EPS15L1: variants seen among roughly 807,000 people sequenced by gnomAD.
EPS15L1 encodes the protein epidermal growth factor receptor pathway substrate 15 like 1.
Under a neutral mutation model 117.1 loss-of-function variants are expected in EPS15L1, and 43 were observed. That is an observed-to-expected ratio of 0.37 (90% CI 0.29 to 0.47). The LOEUF is 0.47. Ranked by LOEUF, EPS15L1 falls within the 20% of genes least tolerant of loss-of-function variation. The probability of loss-of-function intolerance (pLI) is 0.99; values close to 1 mark genes in which losing one functional copy is unlikely to be tolerated. For synonymous variants in EPS15L1, 459 were observed against 470.5 expected (o/e 0.98, Z 0.32); for missense variants, 981 against 1,164.0 (o/e 0.84, Z 2.29).
chr19:16,361,185 T>C (rs927611150), intron 23 of EPS15L1, among the ~76,000 whole-genome samples: 2 of 152,166 alleles, frequency 1.3e-5, no homozygotes, highest in Non-Finnish European at 2.9e-5. Flanking sequence ...TCTTTTTGTT[T>C]TGGCTTTCAG....
chr19:16,436,991 G>A lies in EPS15L1; in HGVS notation c.318C>T (p.Thr106=). 1 of 1,613,946 alleles carries A rather than the reference G, an allele frequency of 6.2e-7. No homozygotes were observed. The highest frequency in any genetic ancestry group is 8.5e-7 in the Non-Finnish European group (1 of 1,179,860). ...LSMPPPKFHD[T]SSPLMVTPPS... ...GCGGTGTGACCATCAGAGGGCTGCT[G>A]GTGTCGTGCTGAGAAGAGAGAGAAA... The change falls in exon 6 of 24, where the codon ACC becomes ACT. Residue 106 remains threonine, a synonymous_variant. Coordinates refer to ENST00000455140, the MANE Select transcript of EPS15L1 (RefSeq NM_001258374.3).
intron 13 of EPS15L1, chr19:16,412,657 ACTT>A (rs1321453556): frequency 1.9e-4 from 29 of 148,830 alleles, no homozygotes; most frequent in South Asian, 1.0e-3. Context: ...ATTTTTAAAA[ACTT>A]CTTCTTCTCC....
At chr19:16,407,468 G>A (rs1433540321) in intron 13 of EPS15L1, among the ~76,000 whole-genome samples, 2 of 152,122 alleles carry the variant, frequency 1.3e-5, no homozygotes, top group Non-Finnish European at 2.9e-5. Context: ...ACCACGCCCA[G>A]TTGCGTGATT....
intron 19 of EPS15L1, among the ~76,000 whole-genome samples, chr19:16,386,929 A>C (rs778222025): frequency 1.3e-4 from 20 of 152,256 alleles, no homozygotes; most frequent in Non-Finnish European, 2.2e-4. Context: ...CAGTCTCTAC[A>C]CAGAACGCTC....
At chr19:16,443,197 C>T (rs2093049400) in intron 1 of EPS15L1, among the ~76,000 whole-genome samples, 1 of 152,164 alleles carries the variant, frequency 6.6e-6, no homozygotes, top group African/African-American at 2.4e-5. Flanking sequence ...GATGTGTAAA[C>T]AGCTAAAGAG....
At chr19:16,379,346 A>G (rs930963430) in intron 21 of EPS15L1, among the ~76,000 whole-genome samples, 2 of 152,126 alleles carry the variant, frequency 1.3e-5, no homozygotes, top group Non-Finnish European at 2.9e-5. Flanking sequence ...TTCCTCCAAG[A>G]GCATAGAAGA....
chr19:16,356,019 G>A (rs1169830745), intron 23 of EPS15L1, among the ~76,000 whole-genome samples, 168 bp from the exon 24 acceptor site: 1 of 152,390 alleles, frequency 6.6e-6, no homozygotes, highest in African/African-American at 2.4e-5. Context: ...GGGCGTGCGA[G>A]CCTGTCTCAG....
At chr19:16,425,596 C>G (rs990721982) in intron 8 of EPS15L1, among the ~76,000 whole-genome samples, 1 of 152,192 alleles carries the variant, frequency 6.6e-6, no homozygotes, top group African/African-American at 2.4e-5. Context: ...GGGAGGCCAC[C>G]AGCTCCAGGG....
chr19:16,458,462 G>A (rs1256433864), intron 1 of EPS15L1, among the ~76,000 whole-genome samples: 2 of 115,518 alleles, frequency 1.7e-5, no homozygotes, highest in Admixed American at 1.0e-4. Context: ...CCCCCACCCC[G>A]CTTGCCCCAT....
intron 22 of EPS15L1, among the ~76,000 whole-genome samples, chr19:16,374,062 T>A (rs1354194511): frequency 6.6e-6 from 1 of 152,244 alleles, no homozygotes; most frequent in Non-Finnish European, 1.5e-5. Flanking sequence ...TTTTAGAGAA[T>A]GTTCTGAAGC....
chr19:16,441,229 G>A (rs2093028373), intron 3 of EPS15L1: 2 of 361,620 alleles, frequency 5.5e-6, no homozygotes, highest in African/African-American at 4.2e-5. Context: ...CCAGCACTTT[G>A]GGAGGCCAAG....
chr19:16,418,038 G>A lies in EPS15L1; in HGVS notation c.1017C>T (p.Phe339=), dbSNP rs2092776674. ...SKDQFALAMY[F]IQQKVSKGID... ...TGCCTTTACTGACCTTCTGCTGAAT[G>A]AAATACATAGCTAACGCGAATTGGT... The change falls in exon 11 of 24, where the codon TTC becomes TTT. Residue 339 remains phenylalanine (F), a synonymous_variant. Transcript: ENST00000455140. 1 of 1,614,102 alleles carries A rather than the reference G, an allele frequency of 6.2e-7. No homozygotes were observed. The highest frequency in any genetic ancestry group is 8.5e-7 in the Non-Finnish European group (1 of 1,180,042).
intron 13 of EPS15L1, among the ~76,000 whole-genome samples, chr19:16,409,737 A>G (rs1170272316): frequency 6.6e-6 from 1 of 152,108 alleles, no homozygotes; most frequent in Non-Finnish European, 1.5e-5. Context: ...CAGGAGTTTG[A>G]GACCAGCCTG....
At chr19:16,466,232 C>T (rs957306322) in intron 1 of EPS15L1, among the ~76,000 whole-genome samples, 3 of 152,058 alleles carry the variant, frequency 2.0e-5, no homozygotes, top group Non-Finnish European at 4.4e-5. Flanking sequence ...CAGTGATCTG[C>T]CCTTCCTGGC....
intron 8 of EPS15L1, 43 bp from the exon 9 acceptor site, chr19:16,425,359 G>A: frequency 7.1e-7 from 1 of 1,405,114 alleles, no homozygotes; most frequent in Non-Finnish European, 9.9e-7. Context: ...GCAAGGCTGG[G>A]GCCGGGACCA....
intron 4 of EPS15L1, among the ~76,000 whole-genome samples, chr19:16,440,412 A>C (rs946183318): frequency 2.0e-5 from 3 of 152,036 alleles, no homozygotes; most frequent in Non-Finnish European, 4.4e-5. Context: ...CAGCCTGGGC[A>C]ACAGAGTGAG....
At chr19:16,402,892 A>G (rs189240075) in intron 15 of EPS15L1, among the ~76,000 whole-genome samples, 2,563 of 152,268 alleles carry the variant, frequency 0.017, 205 homozygotes, top group Admixed American at 0.14. Flanking sequence ...GCAAAGCAAC[A>G]TATCTTTGCT....
intron 13 of EPS15L1, among the ~76,000 whole-genome samples, chr19:16,411,142 A>T (rs1317016253): frequency 6.6e-6 from 1 of 152,184 alleles, no homozygotes; most frequent in Non-Finnish European, 1.5e-5. Flanking sequence ...ACCTGCAGAC[A>T]AATGTTCCTA....
Position 16,413,954 on chromosome 19 carries a change from G to A in EPS15L1, c.1194-109C>T, listed in dbSNP as rs1475878350. On this transcript the variant is annotated intron_variant, in intron 12 of 23. Transcript: ENST00000455140. ...ACAAAAGCCCCTCTGTGTGCTGGCA[G>A]AAGTCTAAGAATGAGACCCAGCGAC... 4 of 783,994 alleles carry A rather than the reference G, an allele frequency of 5.1e-6. No individual in the cohort carries two copies. In the Admixed American group the frequency reaches 8.6e-5, roughly 17 times the overall value. The allele number at this position is 783,994 out of a possible 1,614,324, so 48.6% of individuals were successfully genotyped here.
Sources: allele counts gnomAD v4.1 joint callset (sites outside exome capture counted in the v4.1 genomes callset), GRCh38; gene constraint gnomAD v4.1.1; transcripts MANE v1.5; gene names NCBI Gene and HGNC (gene_info 2026-07-23, HGNC 2026-07-21).